COL17A1: variants seen among roughly 807,000 people sequenced by gnomAD.
The protein encoded by COL17A1 is collagen type XVII alpha 1 chain.
In COL17A1, 181 loss-of-function variants were observed where a neutral mutation model predicts 218.4. That is an observed-to-expected ratio of 0.83 (90% CI 0.73 to 0.94). The LOEUF is 0.94. Among genes scored for constraint, COL17A1 ranks in the 40% least tolerant of loss-of-function variants. COL17A1 has a pLI of 0.00. For synonymous variants in COL17A1, 721 were observed against 731.0 expected (o/e 0.99, Z 0.22); for missense variants, 1,924 against 1,945.9 (o/e 0.99, Z 0.21).
At chr10:104,082,076 C>G (rs148241328) in intron 1 of COL17A1, among the ~76,000 whole-genome samples, 172 of 152,302 alleles carry the variant, frequency 1.1e-3, no homozygotes, top group Non-Finnish European at 2.0e-3. Flanking sequence ...GATTCGTACA[C>G]TTAGCTTCAG....
chr10:104,061,191 AG>A (rs1011873441), intron 13 of COL17A1, among the ~76,000 whole-genome samples: 3 of 152,194 alleles, frequency 2.0e-5, no homozygotes, highest in Non-Finnish European at 4.4e-5. Context: ...CCCTTCTGAT[AG>A]GAACATTCAT....
At chr10:104,057,302 C>T in intron 16 of COL17A1, 130 bp from the exon 17 acceptor site, 2 of 1,430,902 alleles carry the variant, frequency 1.4e-6, no homozygotes, top group Non-Finnish European at 1.9e-6. Context: ...CTGTGCTGTT[C>T]CACCCAGGAC....
In COL17A1 at chr10:104,080,688, C is replaced by T; in HGVS notation, c.-11-4G>A. On this transcript the variant is annotated splice_region_variant and splice_polypyrimidine_tract_variant and intron_variant, in intron 1 of 55. Transcript: ENST00000648076. ...GTTACATCCATACCATAGCCACCTG[C>T]AGGAAAAATCAGAAACCATGATAGT... 6.2e-7 allele frequency: 1 copy of T among 1,613,068 alleles called. No homozygotes were observed. The highest frequency in any genetic ancestry group is 8.5e-7 in the Non-Finnish European group (1 of 1,179,950).
At position 104,039,959 on chromosome 10, in the gene COL17A1, C is replaced by T. The variant is rs374842616; in HGVS notation, c.2788+14G>A. Reference sequence around the variant, plus strand: ...CCCTACCCCAGGTTTTGTTTGATGCCGGCTCTACTGTACCTTGGTGTCCTC... The same window carrying T: ...CCCTACCCCAGGTTTTGTTTGATGCTGGCTCTACTGTACCTTGGTGTCCTC... On this transcript the variant is annotated intron_variant, in intron 41 of 55. Coordinates refer to ENST00000648076, the MANE Select transcript of COL17A1 (RefSeq NM_000494.4). The T allele has an allele frequency of 1.8e-5, 29 of 1,613,988 alleles. No homozygotes were observed. Among genetic ancestry groups the T allele is most frequent in the Admixed American group, 1.7e-4 (10 of 60,000 alleles).
chr10:104,059,476 A>C, intron 15 of COL17A1, 162 bp downstream of exon 15: 1 of 700,708 alleles, frequency 1.4e-6, no homozygotes, highest in Non-Finnish European at 2.6e-6. Context: ...GACTCAGCAG[A>C]TCTGAGCTAG....
At chr10:104,050,777 G>T in intron 26 of COL17A1, 71 bp downstream of exon 26, 2 of 1,613,908 alleles carry the variant, frequency 1.2e-6, no homozygotes, top group Non-Finnish European at 1.7e-6. Flanking sequence ...TCTTGCACTT[G>T]TCAGCCTGCA....
At position 104,047,816 on chromosome 10, in the gene COL17A1, G is replaced by A. The variant is rs746597048; in HGVS notation, c.2264-6C>T. 3.1e-6 allele frequency: 5 copies of A among 1,613,518 alleles called. No individual in the cohort carries two copies. Among genetic ancestry groups the A allele is most frequent in the Non-Finnish European group, 4.2e-6 (5 of 1,179,376 alleles). On this transcript the variant is annotated splice_polypyrimidine_tract_variant and splice_region_variant and intron_variant, in intron 30 of 55. Coordinates refer to ENST00000648076, the MANE Select transcript of COL17A1 (RefSeq NM_000494.4). The stretch of plus-strand genomic sequence containing the variant: ...CCCAGTAAGACCTTGTTCACCTAGA[G>A]AGAGAATGGCCAACGTGGAAGTGTT...
chr10:104,054,935 T>A, intron 20 of COL17A1, 46 bp downstream of exon 20: 7 of 1,613,894 alleles, frequency 4.3e-6, no homozygotes, highest in Non-Finnish European at 5.9e-6. Context: ...TTGAAACAAT[T>A]AACACTTGCT....
chr10:104,058,260 C>T (rs983783508), intron 15 of COL17A1, 70 bp from the exon 16 acceptor site: 17 of 1,592,362 alleles, frequency 1.1e-5, no homozygotes, highest in Non-Finnish European at 1.4e-5. Context: ...ATGGAGTAGC[C>T]ATTTTTTTAT....
At chr10:104,079,501 C>G (rs1453106948) in intron 2 of COL17A1, among the ~76,000 whole-genome samples, 1 of 151,646 alleles carries the variant, frequency 6.6e-6, no homozygotes, top group Non-Finnish European at 1.5e-5. Context: ...TCAGCTGTGC[C>G]GCTGACACCT....
At chr10:104,038,223 G>C (rs561213305) in intron 45 of COL17A1, among the ~76,000 whole-genome samples, 183 bp downstream of exon 45, 1 of 126,560 alleles carries the variant, frequency 7.9e-6, no homozygotes, top group African/African-American at 3.2e-5. Flanking sequence ...TGGACACATA[G>C]ACACACATAC....
In COL17A1 at chr10:104,061,400, C is replaced by T; in HGVS notation, c.979+5G>A. 1 of 1,613,146 alleles carries T rather than the reference C, an allele frequency of 6.2e-7. No individual in the cohort carries two copies. Among genetic ancestry groups the T allele is most frequent in the Non-Finnish European group, 8.5e-7 (1 of 1,179,848 alleles). On this transcript the variant is annotated splice_donor_5th_base_variant and intron_variant, in intron 13 of 55. Coordinates refer to ENST00000648076, the MANE Select transcript of COL17A1 (RefSeq NM_000494.4). ...TGAACCCTGGCAGCTGGGAGCAGCA[C>T]TCACCGGCGGAGGTGGAAACGCCAG...
chr10:104,072,351 A>G (rs1332520196), intron 7 of COL17A1, among the ~76,000 whole-genome samples: 1 of 152,170 alleles, frequency 6.6e-6, no homozygotes, highest in Non-Finnish European at 1.5e-5. Flanking sequence ...TTCCAGTACA[A>G]TCAGCAATGG....
chr10:104,035,413 G>A (rs1280337779), intron 49 of COL17A1, 40 bp from the exon 50 acceptor site: 9 of 1,612,974 alleles, frequency 5.6e-6, no homozygotes, highest in Non-Finnish European at 7.6e-6. Flanking sequence ...GTCCTGGCCT[G>A]GGCCAAGGGA....
chr10:104,085,075 A>G (rs1386818189), intron 1 of COL17A1, among the ~76,000 whole-genome samples: 1 of 152,248 alleles, frequency 6.6e-6, no homozygotes, highest in African/African-American at 2.4e-5. Context: ...GTAAGAGTAT[A>G]TATACGGGAA....
At chr10:104,054,312 A>G (rs909391128) in intron 20 of COL17A1, among the ~76,000 whole-genome samples, 194 bp from the exon 21 acceptor site, 17 of 152,362 alleles carry the variant, frequency 1.1e-4, no homozygotes, top group African/African-American at 4.1e-4. Flanking sequence ...ATTTGGGACA[A>G]GTTATAGTGA....
At chr10:104,065,740 T>C (rs2086620902) in intron 9 of COL17A1, among the ~76,000 whole-genome samples, 1 of 152,188 alleles carries the variant, frequency 6.6e-6, no homozygotes, top group African/African-American at 2.4e-5. Flanking sequence ...AGGGGTAGGA[T>C]AGGTACAGCC....
At chr10:104,034,357 A>C in intron 51 of COL17A1, 23 bp from the exon 52 acceptor site, 1 of 1,538,410 alleles carries the variant, frequency 6.5e-7, no homozygotes, top group Non-Finnish European at 8.7e-7. Flanking sequence ...AAGCTGCATG[A>C]GTGGGAGCTC....
At chr10:104,043,473 T>C in intron 35 of COL17A1, 28 bp downstream of exon 35, 4 of 1,602,842 alleles carry the variant, frequency 2.5e-6, no homozygotes, top group Non-Finnish European at 3.4e-6. Context: ...TATTGCTGAT[T>C]TGGGGCAAAG....
Sources: allele counts gnomAD v4.1 joint callset (sites outside exome capture counted in the v4.1 genomes callset), GRCh38; gene constraint gnomAD v4.1.1; transcripts MANE v1.5; gene names NCBI Gene and HGNC (gene_info 2026-07-23, HGNC 2026-07-21).